The following AXIN2 variants were observed in gnomAD, a reference collection of about 807,000 sequenced individuals.
The protein encoded by AXIN2 is axin 2, also known as axin-2.
A neutral mutation model predicts 74.7 loss-of-function variants in AXIN2; 21 were observed. The observed-to-expected ratio is 0.28, with a 90% confidence interval of 0.20 to 0.40. The LOEUF (loss-of-function observed/expected upper bound fraction) is 0.40, where lower values mean the gene tolerates loss of function less well. AXIN2 is among the 10% of genes least tolerant of loss of function. The pLI, the probability that AXIN2 is intolerant of heterozygous loss-of-function variation, is 1.00. For missense variants in AXIN2, 1,144 were observed against 1,111.1 expected (o/e 1.03, Z -0.42); for synonymous variants, 532 against 454.9 (o/e 1.17, Z -2.16).
rs756185275 is a variant in AXIN2 at position 65,557,991 on chromosome 17, C to G, written c.630G>C (p.Met210Ile). Reference sequence around the variant, plus strand: ...TTAGGCTCCCGAGTCCCCCATTACTCATGTAAGCTGTGTTTTCTCCCCCAC... The same window carrying G: ...TTAGGCTCCCGAGTCCCCCATTACTGATGTAAGCTGTGTTTTCTCCCCCAC... Reference protein sequence around the residue: ...VRSGGENTAYMSNGGLGSLKV... With the variant: ...VRSGGENTAYISNGGLGSLKV... The change falls in exon 2 of 11, where the codon ATG becomes ATC. Residue 210 changes from methionine to isoleucine, a missense_variant. This residue lies in a region of AXIN2 where 1,053 missense variants were observed against 973.5 expected (regional missense o/e 1.08). Coordinates refer to ENST00000307078, the MANE Select transcript of AXIN2 (RefSeq NM_004655.4). 6.2e-7 allele frequency: 1 copy of G among 1,614,088 alleles called. No individual in the cohort carries two copies. The highest frequency in any genetic ancestry group is 1.3e-5 in the African/African-American group (1 of 74,936).
chr17:65,549,483 C>T (rs1323946532), intron 3 of AXIN2, 37 bp downstream of exon 3: 1 of 1,610,768 alleles, frequency 6.2e-7, no homozygotes, highest in East Asian at 2.2e-5. Flanking sequence ...GCATCCACTC[C>T]CAAGCAAGCC....
At chr17:65,530,207 A>G (rs2043793611) in intron 10 of AXIN2, 105 bp from the exon 11 acceptor site, 2 of 1,497,088 alleles carry the variant, frequency 1.3e-6, no homozygotes, top group Non-Finnish European at 1.8e-6. Flanking sequence ...GGAATTTGCT[A>G]TGGCAGGTGT....
At position 65,536,479 on chromosome 17, in the gene AXIN2, T is replaced by G. The variant is rs2144442940; in HGVS notation, c.1982A>C (p.His661Pro). ...SSPGERASRHHLWGGNSGHPR... is the reference protein window; with the variant it reads ...SSPGERASRHPLWGGNSGHPR... ...GTGCCCGCTGTTGCCCCCCCACAGA[T>G]GGTGCCGGCTGGCTCGTTCGCCTGG... Residue 661 changes from histidine (H) to proline (P), a missense_variant, in exon 8 of 11, where the codon CAT becomes CCT. Coordinates refer to ENST00000307078, the MANE Select transcript of AXIN2 (RefSeq NM_004655.4). The G allele has an allele frequency of 6.2e-7, 1 of 1,613,844 alleles. No individual in the cohort carries two copies. The highest frequency in any genetic ancestry group is 8.5e-7 in the Non-Finnish European group (1 of 1,180,004).
intron 8 of AXIN2, among the ~76,000 whole-genome samples, chr17:65,535,992 G>A (rs553924318): frequency 4.6e-5 from 7 of 152,288 alleles, no homozygotes; most frequent in African/African-American, 1.7e-4. Flanking sequence ...CCATCTCACA[G>A]CTTCTTATAT....
At chr17:65,549,095 G>A (rs1190939654) in intron 3 of AXIN2, among the ~76,000 whole-genome samples, 1 of 152,170 alleles carries the variant, frequency 6.6e-6, no homozygotes, top group Non-Finnish European at 1.5e-5. Flanking sequence ...CCTAAACACA[G>A]ACCCTTCTAA....
Position 65,537,221 on chromosome 17 carries a change from T to C in AXIN2, c.1712+103A>G, listed in dbSNP as rs570221944. 7.0e-6 allele frequency: 11 copies of C among 1,579,328 alleles called. No individual in the cohort carries two copies. The East Asian group carries it at 2.0e-4, about 29-fold the overall frequency. On this transcript the variant is annotated intron_variant, in intron 6 of 10. Transcript: ENST00000307078. ...CCGGCCGTGCACTCTGCCGCCCTCT[T>C]AGAAACTAAATGCCTGTAATGCGGC...
chr17:65,537,289 C>T, intron 6 of AXIN2, 35 bp downstream of exon 6: 3 of 1,613,120 alleles, frequency 1.9e-6, no homozygotes, highest in Non-Finnish European at 2.5e-6. Flanking sequence ...GGAGACAAGC[C>T]CCACACGGGA....
chr17:65,556,915 C>T (rs2044275257), intron 2 of AXIN2, among the ~76,000 whole-genome samples: 1 of 152,130 alleles, frequency 6.6e-6, no homozygotes, highest in Non-Finnish European at 1.5e-5. Context: ...ATTCTCTTTT[C>T]GGATATTTGG....
chr17:65,545,563 C>CT (rs1242600106), intron 3 of AXIN2, among the ~76,000 whole-genome samples: 1 of 152,112 alleles, frequency 6.6e-6, no homozygotes, highest in African/African-American at 2.4e-5. Flanking sequence ...TGGTGCACGC[C>CT]TGTAGTCCCA....
At chr17:65,559,731 C>T (rs780142362) in intron 1 of AXIN2, among the ~76,000 whole-genome samples, 25 of 152,194 alleles carry the variant, frequency 1.6e-4, no homozygotes, top group Non-Finnish European at 3.7e-4. Flanking sequence ...AACCAATAAA[C>T]AAGCTGCTTT....
rs62640031 is a variant in AXIN2 at position 65,534,077 on chromosome 17, T to C, written c.2240A>G (p.His747Arg). 96 of 1,614,060 alleles carry C rather than the reference T, an allele frequency of 5.9e-5. No homozygotes were observed. Among genetic ancestry groups the C allele is most frequent in the Non-Finnish European group, 8.0e-5 (94 of 1,180,042 alleles). The change falls in exon 10 of 11, where the codon CAC becomes CGC. Residue 747 changes from histidine (H) to arginine (R), a missense_variant and splice_region_variant. This residue lies in a region of AXIN2 where 1,053 missense variants were observed against 973.5 expected (regional missense o/e 1.08). Transcript: ENST00000307078. ...ACCTGCCAGTTTCTTTGGCTCTTTG[T>C]GACTGAAAATAAGATGGAATGGAAC... ...FSNPSLAPED[H>R]KEPKKLAGVH...
Position 65,537,795 on chromosome 17 carries a change from C to G in AXIN2, c.1241G>C (p.Arg414Pro). 6.3e-7 allele frequency: 1 copy of G among 1,586,360 alleles called. No homozygotes were observed. Among genetic ancestry groups the G allele is most frequent in the Non-Finnish European group, 8.6e-7 (1 of 1,166,816 alleles). ...GGGGTGCTGCGTGGGCGCCCCCTCCCGCGAATTGAGTGTGAGCTCGGAGCC... is the reference window on the plus strand; with the variant it reads ...GGGGTGCTGCGTGGGCGCCCCCTCCGGCGAATTGAGTGTGAGCTCGGAGCC... The part of the protein sequence containing the change: ...REGSELTLNS[R>P]EGAPTQHPLS... The change falls in exon 6 of 11, where the codon CGG (arginine) becomes CCG (proline). Residue 414 changes from arginine (R) to proline (P), a missense_variant. This residue lies in a region of AXIN2 where 1,053 missense variants were observed against 973.5 expected (regional missense o/e 1.08). Transcript: ENST00000307078.
chr17:65,543,767 C>T (rs550768906), intron 3 of AXIN2, among the ~76,000 whole-genome samples: 1 of 152,318 alleles, frequency 6.6e-6, no homozygotes, highest in East Asian at 1.9e-4. Context: ...AAGCCCCACG[C>T]AGTCACCTGA....
At chr17:65,537,881 G>A (rs1438473454) in intron 5 of AXIN2, 46 bp from the exon 6 acceptor site, 4 of 1,501,410 alleles carry the variant, frequency 2.7e-6, no homozygotes, top group Admixed American at 2.3e-5. Context: ...GGAAGCAGAA[G>A]GGCCAGAGGC....
At chr17:65,532,554 A>C (rs2043840088) in intron 10 of AXIN2, among the ~76,000 whole-genome samples, 1 of 152,172 alleles carries the variant, frequency 6.6e-6, no homozygotes, top group Non-Finnish European at 1.5e-5. Flanking sequence ...CCAGGGGCTC[A>C]GTCCAACCTC....
intron 4 of AXIN2, among the ~76,000 whole-genome samples, chr17:65,539,609 C>T: frequency 6.6e-6 from 1 of 152,210 alleles, no homozygotes; most frequent in Non-Finnish European, 1.5e-5. Flanking sequence ...CTCAGAAAAG[C>T]AATTTTAATA....
rs773740267 is a variant in AXIN2 at position 65,557,940 on chromosome 17, G to A, written c.681C>T (p.Thr227=). 3 of 1,614,174 alleles carry A rather than the reference G, an allele frequency of 1.9e-6. No homozygotes were observed. The highest frequency in any genetic ancestry group is 2.5e-6 in the Non-Finnish European group (3 of 1,180,034). The change falls in exon 2 of 11, where the codon ACC becomes ACT. Residue 227 remains threonine (T), a synonymous_variant. Coordinates refer to ENST00000307078, the MANE Select transcript of AXIN2 (RefSeq NM_004655.4). The part of the protein sequence containing the change: ...SLKVVCGYLP[T]LNEEEEWTCA... The stretch of plus-strand genomic sequence containing the variant: ...AAGTCCACTCCTCTTCTTCATTCAA[G>A]GTGGGGAGATAGCCACACACGACCT...
intron 4 of AXIN2, among the ~76,000 whole-genome samples, chr17:65,541,247 A>G (rs2044037495): frequency 6.6e-6 from 1 of 152,200 alleles, no homozygotes; most frequent in African/African-American, 2.4e-5. Context: ...CTGATACCTC[A>G]TAATCACATC....
chr17:65,548,266 C>T (rs1185721862), intron 3 of AXIN2, among the ~76,000 whole-genome samples: 3 of 152,152 alleles, frequency 2.0e-5, no homozygotes, highest in African/African-American at 7.2e-5. Flanking sequence ...TGAGGTAACA[C>T]AATAAAAGCC....
Sources: allele counts gnomAD v4.1 joint callset (sites outside exome capture counted in the v4.1 genomes callset), GRCh38; gene constraint gnomAD v4.1.1; regional missense constraint gnomAD v4.1.1; transcripts MANE v1.5; gene names NCBI Gene and HGNC (gene_info 2026-07-23, HGNC 2026-07-21).